ALKBH3: variants seen among roughly 807,000 people sequenced by gnomAD.
ALKBH3 encodes the protein alpha-ketoglutarate-dependent dioxygenase alkB homolog 3.
Under a neutral mutation model 43.9 loss-of-function variants are expected in ALKBH3, and 51 were observed. The observed-to-expected ratio is 1.16, with a 90% CI of 0.93 to 1.47. The LOEUF is 1.47. ALKBH3 is among the 40% of genes most tolerant of loss of function. The pLI is 0.00. For synonymous variants in ALKBH3, 102 were observed against 115.2 expected, an observed-to-expected ratio of 0.89 and a Z score of 0.73; for missense variants, 361 against 351.9, an observed-to-expected ratio of 1.03 and a Z score of -0.21.
intron 7 of ALKBH3, chr11:43,899,239 G>A (rs1951842937): frequency 4.1e-6 from 3 of 738,816 alleles, no homozygotes; most frequent in Non-Finnish European, 7.6e-6. Context: ...ACTACAGCAT[G>A]GTGGAATTGC....
Position 43,919,080 on chromosome 11 carries a change from C to A in ALKBH3, c.712C>A (p.Pro238Thr), listed in dbSNP as rs768167723. 1.9e-6 allele frequency: 3 copies of A among 1,613,246 alleles called. No homozygotes were observed. The highest frequency in any genetic ancestry group is 2.5e-6 in the Non-Finnish European group (3 of 1,179,288). ...CACATATGTGGAAAGAGTGAAGATA[C>A]CCTTGGATCATGGGACCTTGTTAAT... ...DYTYVERVKI[P>T]LDHGTLLIME... The change falls in exon 9 of 10, where the codon CCC (proline) becomes ACC (threonine). Residue 238 changes from proline (P) to threonine (T), a missense_variant. By Grantham distance (38) the Pro-to-Thr change is conservative. Coordinates refer to ENST00000302708, the MANE Select transcript of ALKBH3 (RefSeq NM_139178.4).
At chr11:43,917,871 A>G (rs941259584) in intron 8 of ALKBH3, among the ~76,000 whole-genome samples, 7 of 152,222 alleles carry the variant, frequency 4.6e-5, no homozygotes, top group African/African-American at 1.7e-4. Context: ...TATAAAAATT[A>G]TGACTATGCT....
At chr11:43,910,371 T>C (rs948467118) in intron 8 of ALKBH3, 3 of 152,228 alleles carry the variant, frequency 2.0e-5, no homozygotes, top group Non-Finnish European at 4.4e-5. Context: ...CATTAGTTCT[T>C]ATAGCTTTAA....
At chr11:43,887,849 C>T (rs1029971473) in intron 5 of ALKBH3, among the ~76,000 whole-genome samples, 4 of 151,516 alleles carry the variant, frequency 2.6e-5, no homozygotes, top group African/African-American at 7.3e-5. Flanking sequence ...AGTGCAGTGG[C>T]GTGATCTCCA....
Position 43,897,954 on chromosome 11 carries a change from A to T in ALKBH3, c.460-3562A>T. On this transcript the variant is annotated intron_variant, in intron 7 of 9. Coordinates refer to ENST00000302708, the MANE Select transcript of ALKBH3 (RefSeq NM_139178.4). ...ACCTTCGCCATTTAGAAGGAGGCAT[A>T]ACCTTTGTGCCCCATTGGACTCCAC... The T allele has an allele frequency of 3.8e-6, 3 of 785,350 alleles. No individual in the cohort carries two copies. In the East Asian group the frequency reaches 7.3e-5, roughly 19 times the overall value. The allele number at this position is 785,350 out of a possible 1,614,324, so 48.6% of individuals were successfully genotyped here. A position where few individuals can be genotyped will look rare whatever the true frequency, so the allele number is the denominator to read the frequency against.
At chr11:43,892,518 GA>G (rs542471013) in intron 7 of ALKBH3, among the ~76,000 whole-genome samples, 83 of 151,996 alleles carry the variant, frequency 5.5e-4, no homozygotes, top group Middle Eastern at 3.4e-3. Context: ...TGCTATTTGT[GA>G]AAAAAAATCT....
intron 6 of ALKBH3, among the ~76,000 whole-genome samples, chr11:43,891,324 G>A (rs939388500): frequency 1.3e-4 from 19 of 151,750 alleles, no homozygotes; most frequent in Non-Finnish European, 1.8e-4. Flanking sequence ...TTTCTTATCA[G>A]TAAAATTAAA....
intron 7 of ALKBH3, among the ~76,000 whole-genome samples, chr11:43,896,768 A>AT (rs923837639): frequency 3.9e-5 from 6 of 151,938 alleles, no homozygotes; most frequent in East Asian, 1.9e-4. Flanking sequence ...TTGGATGAGA[A>AT]TTTTTTTTGT....
intron 7 of ALKBH3, among the ~76,000 whole-genome samples, chr11:43,900,872 C>G (rs929253859): frequency 3.9e-5 from 6 of 152,188 alleles, no homozygotes; most frequent in Non-Finnish European, 8.8e-5. Context: ...GCCGTGGAAC[C>G]TGTTTAAGTC....
Position 43,892,128 on chromosome 11 carries a change from A to G in ALKBH3, c.458A>G (p.His153Arg). Residue 153 changes from histidine (H) to arginine (R), a missense_variant and splice_region_variant, in exon 7 of 10, where the codon CAC becomes CGC. His to Arg is a conservative substitution (Grantham distance 29, BLOSUM62 0). Transcript: ENST00000302708. ...AGAATCACTATGGAACCAAATCCTC[A>G]CGTATGTCAACATATTGTCATTGGT... ...YSRITMEPNP[H>R]WHPVLRTLKN... 1 of 1,598,708 alleles carries G rather than the reference A, an allele frequency of 6.3e-7. No homozygotes were observed. The highest frequency in any genetic ancestry group is 1.7e-5 in the Admixed American group (1 of 59,980).
chr11:43,899,941 A>G (rs1367841860), intron 7 of ALKBH3, among the ~76,000 whole-genome samples: 3 of 151,808 alleles, frequency 2.0e-5, no homozygotes, highest in Non-Finnish European at 4.4e-5. Flanking sequence ...GAATATCTAC[A>G]GTTATTTGAA....
chr11:43,883,653 A>G (rs533854311), intron 3 of ALKBH3, among the ~76,000 whole-genome samples: 15 of 152,374 alleles, frequency 9.8e-5, no homozygotes, highest in African/African-American at 2.9e-4. Flanking sequence ...GTTTCTTGCC[A>G]TAGTAACAAC....
intron 6 of ALKBH3, among the ~76,000 whole-genome samples, chr11:43,891,088 G>T (rs920879180): frequency 3.9e-5 from 6 of 152,050 alleles, no homozygotes; most frequent in Admixed American, 1.3e-4. Flanking sequence ...GGTGGATGTG[G>T]AACCCACAGA....
At chr11:43,889,903 C>A in intron 6 of ALKBH3, 75 bp downstream of exon 6, 1 of 1,250,354 alleles carries the variant, frequency 8.0e-7, no homozygotes, top group Non-Finnish European at 1.2e-6. Context: ...ACCATCACTT[C>A]TGCTCACCAA....
chr11:43,905,646 A>G (rs978860023), intron 8 of ALKBH3, among the ~76,000 whole-genome samples: 1 of 152,122 alleles, frequency 6.6e-6, no homozygotes, highest in African/African-American at 2.4e-5. Context: ...CACCTTATCT[A>G]TATTCTGGCT....
intron 8 of ALKBH3, among the ~76,000 whole-genome samples, chr11:43,907,989 G>C (rs986981827): frequency 9.2e-5 from 14 of 152,194 alleles, no homozygotes; most frequent in African/African-American, 3.4e-4. Flanking sequence ...TTGGGACCAA[G>C]GTAGAGAAGG....
At chr11:43,912,918 G>T (rs1736328322) in intron 8 of ALKBH3, among the ~76,000 whole-genome samples, 1 of 152,004 alleles carries the variant, frequency 6.6e-6, no homozygotes, top group African/African-American at 2.4e-5. Context: ...CAAAGCACAA[G>T]CCTACTGGCT....
intron 7 of ALKBH3, chr11:43,898,981 T>A (rs919734313): frequency 1.3e-6 from 1 of 753,586 alleles, no homozygotes; most frequent in East Asian, 2.5e-5. Context: ...GACCTCAAGC[T>A]CTGGACTGAG....
At chr11:43,884,275 C>T (rs886732922) in intron 4 of ALKBH3, among the ~76,000 whole-genome samples, 9 of 148,208 alleles carry the variant, frequency 6.1e-5, no homozygotes, top group Non-Finnish European at 1.1e-4. Flanking sequence ...CCTATTTCAC[C>T]GATATCTGTA....
Sources: allele counts gnomAD v4.1 joint callset (sites outside exome capture counted in the v4.1 genomes callset), GRCh38; gene constraint gnomAD v4.1.1; transcripts MANE v1.5; gene names NCBI Gene and HGNC (gene_info 2026-07-23, HGNC 2026-07-21).